The following EIF4E2 variants were observed in gnomAD, a reference collection of about 807,000 sequenced individuals.
The protein encoded by EIF4E2 is eukaryotic translation initiation factor 4E type 2.
EIF4E2 carries 13 observed loss-of-function variants against 34.2 expected under a neutral mutation model. The observed-to-expected ratio is 0.38, with a 90% confidence interval of 0.25 to 0.60. The LOEUF (loss-of-function observed/expected upper bound fraction) is 0.60. Ranked by LOEUF, EIF4E2 falls within the 20% of genes least tolerant of loss-of-function variation. The pLI, the probability that EIF4E2 is intolerant of heterozygous loss-of-function variation, is 0.62. For synonymous variants in EIF4E2, 100 were observed against 106.6 expected, an observed-to-expected ratio of 0.94 and a Z score of 0.38; for missense variants, 222 against 315.1, an observed-to-expected ratio of 0.70 and a Z score of 2.24.
At chr2:232,572,524 C>A (rs1222828252), downstream of EIF4E2, among the ~76,000 whole-genome samples, 1 of 152,094 alleles carries the variant, frequency 6.6e-6, no homozygotes, top group African/African-American at 2.4e-5. Flanking sequence ...CGCCACCATG[C>A]TTGGCTAATT....
At chr2:232,567,941 G>T in intron 6 of EIF4E2, 1 of 983,188 alleles carries the variant, frequency 1.0e-6, no homozygotes, top group Non-Finnish European at 1.2e-6. Flanking sequence ...CCAGCTAAGA[G>T]TTAGGACTCT....
chr2:232,563,258 T>G (rs1692786263), intron 3 of EIF4E2, among the ~76,000 whole-genome samples: 1 of 152,104 alleles, frequency 6.6e-6, no homozygotes, highest in Non-Finnish European at 1.5e-5. Context: ...AAATAATCTT[T>G]CCTATCAAGA....
Position 232,563,100 on chromosome 2 carries a change from G to A in EIF4E2, c.271-1147G>A, listed in dbSNP as rs541772919. 5.9e-5 allele frequency among the ~76,000 whole-genome samples: 9 copies of A among 152,284 alleles called. No individual in the cohort carries two copies. The South Asian group carries it at 1.9e-3, about 32-fold the overall frequency. On this transcript the variant is annotated intron_variant, in intron 3 of 6. Transcript: ENST00000258416. Reference sequence around the variant, plus strand: ...TACCCATTGTCAGCTCCACAGTTGTGGTATCTTGCTGTATGTTGATTTAGA... The same window carrying A: ...TACCCATTGTCAGCTCCACAGTTGTAGTATCTTGCTGTATGTTGATTTAGA...
At position 232,550,719 on chromosome 2, in the gene EIF4E2, G is replaced by T. The variant is rs1230723231; in HGVS notation, c.-6G>T. The T allele has an allele frequency of 3.8e-6, 6 of 1,585,660 alleles. No homozygotes were observed. The East Asian group carries it at 1.4e-4, about 37-fold the overall frequency. Reference sequence around the variant, plus strand: ...CTGAGGCAGTGGCGACAGCGGCGGCGAGAGGATGAACAACAAGTTCGACGC... The same window carrying T: ...CTGAGGCAGTGGCGACAGCGGCGGCTAGAGGATGAACAACAAGTTCGACGC... On this transcript the variant is annotated 5_prime_UTR_variant, in exon 1 of 7. Coordinates refer to ENST00000258416, the MANE Select transcript of EIF4E2 (RefSeq NM_004846.4).
At chr2:232,555,033 A>T (rs1430172444) in intron 1 of EIF4E2, among the ~76,000 whole-genome samples, 1 of 152,212 alleles carries the variant, frequency 6.6e-6, no homozygotes, top group African/African-American at 2.4e-5. Context: ...GGTATATCCT[A>T]CAGCTAGGGC....
chr2:232,556,116 C>T (rs549000642), intron 1 of EIF4E2, among the ~76,000 whole-genome samples: 3 of 148,960 alleles, frequency 2.0e-5, no homozygotes, highest in East Asian at 3.9e-4. Context: ...CCATTTTTGG[C>T]AGGGAAAACA....
chr2:232,554,654 G>A (rs1437796636), intron 1 of EIF4E2, among the ~76,000 whole-genome samples: 2 of 152,210 alleles, frequency 1.3e-5, no homozygotes, highest in African/African-American at 4.8e-5. Context: ...TCTCCTGGAA[G>A]TCCAGGGAGG....
chr2:232,562,894 G>T (rs1412599694), intron 3 of EIF4E2, among the ~76,000 whole-genome samples: 3 of 152,198 alleles, frequency 2.0e-5, no homozygotes, highest in African/African-American at 7.2e-5. Context: ...TGAGTATAAA[G>T]CACTGCCTTG....
At chr2:232,583,211 G>GAGTC (rs1406957781) in exon 7 of EIF4E2, 1 of 152,212 alleles carries the variant, frequency 6.6e-6, no homozygotes, top group Non-Finnish European at 1.5e-5. Flanking sequence ...GGAGAGTGAA[G>GAGTC]AGTCGGTCTC....
At chr2:232,573,354 A>C (rs904994577), downstream of EIF4E2, among the ~76,000 whole-genome samples, 2 of 152,186 alleles carry the variant, frequency 1.3e-5, no homozygotes, top group Non-Finnish European at 2.9e-5. Flanking sequence ...GGAACTTCAG[A>C]CTTAGAAGCA....
In EIF4E2 at chr2:232,580,775, G is replaced by A. The variant is rs865857883; in HGVS notation, c.666-129G>A. ...CCGTTTTGGCATTAGATTGGCAAGT[G>A]AAGAAGGCCCCGGGATATGTCATGG... On this transcript the variant is annotated intron_variant, in intron 6 of 6. Coordinates refer to the EIF4E2 transcript ENST00000409098. 1.6e-5 allele frequency: 13 copies of A among 808,462 alleles called. 1 individual carries two copies. In the Middle Eastern group the frequency reaches 1.5e-3, roughly 93 times the overall value. 50.1% of individuals were successfully genotyped at this position (808,462 alleles called of 1,614,324 possible).
intron 4 of EIF4E2, among the ~76,000 whole-genome samples, chr2:232,565,767 G>T (rs1161579187): frequency 1.3e-5 from 2 of 152,058 alleles, no homozygotes; most frequent in African/African-American, 4.8e-5. Context: ...AATATCCTTG[G>T]CTGTCTCTTC....
At chr2:232,569,846 T>C (rs2106251492), downstream of EIF4E2, 1 of 152,364 alleles carries the variant, frequency 6.6e-6, no homozygotes, top group East Asian at 1.9e-4. Flanking sequence ...GGATCTGGGG[T>C]AGGGGAAACG....
chr2:232,560,699 T>C (rs1010259632), intron 3 of EIF4E2, among the ~76,000 whole-genome samples: 3 of 152,246 alleles, frequency 2.0e-5, no homozygotes, highest in South Asian at 2.1e-4. Context: ...GGAGAAAATA[T>C]TGCAAATCAT....
chr2:232,582,687 C>T (rs1329847774), exon 7 of EIF4E2: 2 of 152,184 alleles, frequency 1.3e-5, no homozygotes, highest in African/African-American at 4.8e-5. Flanking sequence ...GATTTGCCCT[C>T]CTTTGGGCAT....
At chr2:232,550,898 G>A (rs547006625) in intron 1 of EIF4E2, 154 bp downstream of exon 1, 2 of 787,710 alleles carry the variant, frequency 2.5e-6, no homozygotes, top group Admixed American at 6.0e-5. Context: ...CGGGGAGGAG[G>A]GGGCTGGGGA....
intron 6 of EIF4E2, chr2:232,574,457 T>TA (rs1693162972): frequency 7.3e-6 from 8 of 1,097,898 alleles, no homozygotes; most frequent in Non-Finnish European, 1.1e-5. Flanking sequence ...GAGAAAAATA[T>TA]AAGTCCCAAA....
downstream of EIF4E2, among the ~76,000 whole-genome samples, chr2:232,570,646 C>T (rs1393597083): frequency 6.6e-6 from 1 of 152,176 alleles, no homozygotes; most frequent in Non-Finnish European, 1.5e-5. Flanking sequence ...GCTACTGAGA[C>T]TTAAGAATTC....
At chr2:232,580,796 C>A in intron 6 of EIF4E2, 1 of 1,006,636 alleles carries the variant, frequency 9.9e-7, no homozygotes, top group Non-Finnish European at 1.5e-6. Flanking sequence ...CGGGATATGT[C>A]ATGGAGACCC....
Sources: allele counts gnomAD v4.1 joint callset (sites outside exome capture counted in the v4.1 genomes callset), GRCh38; gene constraint gnomAD v4.1.1; transcripts MANE v1.5; gene names NCBI Gene and HGNC (gene_info 2026-07-23, HGNC 2026-07-21).